SLC45A4: variants seen among roughly 807,000 people sequenced by gnomAD.
The protein encoded by SLC45A4 is solute carrier family 45 member 4.
Under a neutral mutation model 63.7 loss-of-function variants are expected in SLC45A4, and 32 were observed. That is an observed-to-expected ratio of 0.50 (90% CI 0.38 to 0.67). The LOEUF (loss-of-function observed/expected upper bound fraction) is 0.67, where lower values mean the gene tolerates loss of function less well. SLC45A4 is among the 30% of genes least tolerant of loss of function. The probability of loss-of-function intolerance (pLI) is 0.00; values close to 1 mark genes in which losing one functional copy is unlikely to be tolerated. For missense variants in SLC45A4, 1,027 were observed against 1,157.7 expected, an observed-to-expected ratio of 0.89 and a Z score of 1.64; for synonymous variants, 535 against 510.0, an observed-to-expected ratio of 1.05 and a Z score of -0.66.
At position 141,211,393 on chromosome 8, in the gene SLC45A4, G is replaced by A. The variant is rs1459246517; in HGVS notation, c.*179C>T. Reference sequence around the variant, plus strand: ...TGGAGCTCACGCTCCGCCCCCAGGTGGTGCCCAGCCCATCCCTGGGCAGGG... The same window carrying A: ...TGGAGCTCACGCTCCGCCCCCAGGTAGTGCCCAGCCCATCCCTGGGCAGGG... On this transcript the variant is annotated 3_prime_UTR_variant, in exon 9 of 9. Coordinates refer to ENST00000517878, the MANE Select transcript of SLC45A4 (RefSeq NM_001286646.2). The A allele has an allele frequency of 6.6e-7, 1 of 1,516,702 alleles. No individual in the cohort carries two copies. The highest frequency in any genetic ancestry group is 8.8e-7 in the Non-Finnish European group (1 of 1,134,046). The allele number at this position is 1,516,702 out of a possible 1,614,324, so 94.0% of individuals were successfully genotyped here. A position where few individuals can be genotyped will look rare whatever the true frequency, so the allele number is the denominator to read the frequency against.
At chr8:141,292,794 G>A (rs1563679367) in intron 1 of SLC45A4, 1 of 152,288 alleles carries the variant, frequency 6.6e-6, no homozygotes, top group Non-Finnish European at 1.5e-5. Context: ...GGTCACTGAA[G>A]GTGTCAGCGA....
At chr8:141,219,190 T>C (rs1826420750) in intron 4 of SLC45A4, among the ~76,000 whole-genome samples, 161 bp from the exon 5 acceptor site, 1 of 152,316 alleles carries the variant, frequency 6.6e-6, no homozygotes, top group Non-Finnish European at 1.5e-5. Context: ...AACAAGAAAC[T>C]GCAGCTGCTG....
intron 1 of SLC45A4, among the ~76,000 whole-genome samples, chr8:141,300,934 C>T (rs1037872368): frequency 1.3e-5 from 2 of 152,338 alleles, no homozygotes; most frequent in Admixed American, 1.3e-4. Flanking sequence ...TGGACCTTAC[C>T]CGTGGACCAA....
intron 1 of SLC45A4, among the ~76,000 whole-genome samples, chr8:141,271,223 C>A (rs1168884495): frequency 6.6e-6 from 1 of 152,208 alleles, no homozygotes; most frequent in African/African-American, 2.4e-5. Flanking sequence ...GAGAAGATGA[C>A]CTTCCTGCCG....
In SLC45A4 at chr8:141,211,530, A is replaced by G; in HGVS notation, c.*42T>C. On this transcript the variant is annotated 3_prime_UTR_variant, in exon 9 of 9. Transcript: ENST00000517878. Reference sequence around the variant, plus strand: ...CCAAGGACAGGGCTGCCCTGGGCACAATGTGTCCAACTCGCTGAGGAAAAG... The same window carrying G: ...CCAAGGACAGGGCTGCCCTGGGCACGATGTGTCCAACTCGCTGAGGAAAAG... 1 of 1,613,124 alleles carries G rather than the reference A, an allele frequency of 6.2e-7. No homozygotes were observed. Among genetic ancestry groups the G allele is most frequent in the South Asian group, 1.1e-5 (1 of 90,984 alleles).
intron 2 of SLC45A4, among the ~76,000 whole-genome samples, chr8:141,252,790 TGTG>T (rs1325297358): frequency 6.7e-6 from 1 of 149,830 alleles, no homozygotes; most frequent in Admixed American, 6.6e-5. Context: ...CCTGTGCGTC[TGTG>T]AATTTCCGTG....
Position 141,299,032 on chromosome 8 carries a change from C to T in SLC45A4, c.-401+9064G>A, listed in dbSNP as rs183426270. ...CGCTGCTCCAGAGGTCCCAGCTGGG[C>T]GCCCGGCACGGATGCAGATGCCGCA... On this transcript the variant is annotated intron_variant, in intron 1 of 8. Coordinates refer to ENST00000517878, the MANE Select transcript of SLC45A4 (RefSeq NM_001286646.2). 8.1e-3 allele frequency among the ~76,000 whole-genome samples: 1,201 copies of T among 147,820 alleles called. 14 individuals are homozygous for T. The highest frequency in any genetic ancestry group is 0.028 in the African/African-American group (1,087 of 39,094).
intron 1 of SLC45A4, among the ~76,000 whole-genome samples, chr8:141,286,782 C>A (rs1830164754): frequency 6.7e-6 from 1 of 149,780 alleles, no homozygotes; most frequent in Admixed American, 6.7e-5. Flanking sequence ...GGCCTCCAAC[C>A]TCTTCCCCAT....
At chr8:141,295,248 G>C (rs1830502708) in intron 1 of SLC45A4, among the ~76,000 whole-genome samples, 2 of 152,118 alleles carry the variant, frequency 1.3e-5, no homozygotes, top group Admixed American at 1.3e-4. Context: ...TGCTTTATGG[G>C]TGGGGCCCTG....
chr8:141,210,654 C>G lies in SLC45A4; in HGVS notation c.*918G>C, dbSNP rs149804447. ...TATTTAAAAACTGCTTTAGTTTCAT[C>G]TTGAAATATATATACGTGTATATAT... On this transcript the variant is annotated 3_prime_UTR_variant, in exon 9 of 9. Coordinates refer to ENST00000517878, the MANE Select transcript of SLC45A4 (RefSeq NM_001286646.2). 6.6e-6 allele frequency: 1 copy of G among 152,134 alleles called. No individual in the cohort carries two copies. The highest frequency in any genetic ancestry group is 2.4e-5 in the African/African-American group (1 of 41,414). The allele number at this position is 152,134 out of a possible 1,614,324, so 9.4% of individuals were successfully genotyped here.
chr8:141,263,776 A>G (rs1394832567), intron 1 of SLC45A4, among the ~76,000 whole-genome samples: 1 of 148,556 alleles, frequency 6.7e-6, no homozygotes, highest in Admixed American at 6.7e-5. Flanking sequence ...TCTCAAAAAA[A>G]AAAAAAATAA....
intron 3 of SLC45A4, among the ~76,000 whole-genome samples, chr8:141,220,292 C>A (rs994535714): frequency 6.6e-6 from 1 of 152,120 alleles, no homozygotes; most frequent in Non-Finnish European, 1.5e-5. Flanking sequence ...CAGGGGGTCT[C>A]GCTGGGCCTG....
chr8:141,300,936 G>A (rs1023181025), intron 1 of SLC45A4, among the ~76,000 whole-genome samples: 17 of 152,332 alleles, frequency 1.1e-4, no homozygotes, highest in South Asian at 2.1e-4. Flanking sequence ...GACCTTACCC[G>A]TGGACCAAGT....
At chr8:141,259,497 GCCATGCATCTCCCTTGCCCTTC>G (rs932616132) in intron 1 of SLC45A4, among the ~76,000 whole-genome samples, 36 of 152,306 alleles carry the variant, frequency 2.4e-4, no homozygotes, top group African/African-American at 7.9e-4. Flanking sequence ...CACACCACCG[GCCATGCATCTCCCTTGCCCTTC>G]CCATGCATCT....
In SLC45A4 at chr8:141,282,330, C is replaced by T. The variant is rs189360771; in HGVS notation, c.-401+25766G>A. ...AGGTGGCCCCACGATGGAGTTTCCT[C>T]GAATTTCCTGAAAACTGGCCAGCTG... On this transcript the variant is annotated intron_variant, in intron 1 of 8. Coordinates refer to ENST00000517878, the MANE Select transcript of SLC45A4 (RefSeq NM_001286646.2). Among the ~76,000 whole-genome samples, 10 of 152,334 alleles carry T rather than the reference C, an allele frequency of 6.6e-5. No individual in the cohort carries two copies. The East Asian group carries it at 1.4e-3, about 21-fold the overall frequency.
intron 2 of SLC45A4, among the ~76,000 whole-genome samples, chr8:141,251,562 C>T (rs1828466893): frequency 6.6e-6 from 1 of 151,970 alleles, no homozygotes; most frequent in Non-Finnish European, 1.5e-5. Flanking sequence ...GAATCACACA[C>T]AGAGGAGAGA....
At chr8:141,230,703 C>T (rs1827297315) in intron 2 of SLC45A4, among the ~76,000 whole-genome samples, 2 of 152,152 alleles carry the variant, frequency 1.3e-5, no homozygotes, top group African/African-American at 4.8e-5. Context: ...CTGACACTAT[C>T]TTCCTGTGGA....
intron 2 of SLC45A4, among the ~76,000 whole-genome samples, chr8:141,235,042 C>A (rs965438164): frequency 2.0e-5 from 3 of 152,242 alleles, no homozygotes; most frequent in African/African-American, 7.2e-5. Flanking sequence ...GACTCTCCAG[C>A]ACTGGGTTTG....
chr8:141,248,812 C>T (rs568328752), intron 2 of SLC45A4, among the ~76,000 whole-genome samples: 37 of 152,030 alleles, frequency 2.4e-4, no homozygotes, highest in Middle Eastern at 3.4e-3. Context: ...CCCAGAAGTT[C>T]GAAACCAGCC....
Sources: gnomAD v4.1 joint callset for allele counts (sites outside exome capture counted in the v4.1 genomes callset) on GRCh38, gnomAD v4.1.1 for gene constraint, MANE v1.5 for transcripts, NCBI Gene and HGNC (gene_info 2026-07-23, HGNC 2026-07-21) for gene names.